Variants in FBXL2 observed in about 807,000 individuals in gnomAD.
The protein encoded by FBXL2 is F-box/LRR-repeat protein 2.
A neutral mutation model predicts 69.2 loss-of-function variants in FBXL2; 38 were observed. That is an observed-to-expected ratio of 0.55 (90% CI 0.42 to 0.72). The LOEUF (loss-of-function observed/expected upper bound fraction) is 0.72. Ranked by LOEUF, FBXL2 falls within the 30% of genes least tolerant of loss-of-function variation. The pLI is 0.00. For synonymous variants in FBXL2, 192 were observed against 201.3 expected, an observed-to-expected ratio of 0.95 and a Z score of 0.39; for missense variants, 354 against 520.3, an observed-to-expected ratio of 0.68 and a Z score of 3.11.
rs182530064 is a variant in FBXL2 at position 33,362,752 on chromosome 3, A to C, written c.196-1873A>C. 1.0e-3 allele frequency among the ~76,000 whole-genome samples: 153 copies of C among 152,194 alleles called. 2 individuals carry two copies. Among genetic ancestry groups the C allele is most frequent in the African/African-American group, 3.6e-3 (148 of 41,534 alleles). On this transcript the variant is annotated intron_variant, in intron 4 of 14. Coordinates refer to ENST00000484457, the MANE Select transcript of FBXL2 (RefSeq NM_012157.5). ...AAAATGTTACTAACTTGAAATGGAG[A>C]AGAGTATATTAGGTGCTCTATTTGT...
intron 4 of FBXL2, among the ~76,000 whole-genome samples, chr3:33,360,649 C>T (rs529492123): frequency 5.9e-5 from 9 of 152,216 alleles, no homozygotes; most frequent in Admixed American, 5.9e-4. Context: ...CAATAGTACT[C>T]CACCTAAACA....
intron 2 of FBXL2, among the ~76,000 whole-genome samples, chr3:33,307,176 T>G (rs1458414511): frequency 6.6e-6 from 1 of 152,144 alleles, no homozygotes; most frequent in Non-Finnish European, 1.5e-5. Flanking sequence ...ATGATCAAAG[T>G]TGGCATCACT....
the FBXL2 span, among the ~76,000 whole-genome samples, chr3:33,419,645 C>A: frequency 4.4e-5 from 6 of 136,426 alleles, no homozygotes; most frequent in African/African-American, 5.7e-5. Context: ...AAAAAAAAAA[C>A]CAGAAGAAAA....
At chr3:33,351,267 AAAAAT>A (rs917574617) in intron 2 of FBXL2, among the ~76,000 whole-genome samples, 4 of 152,320 alleles carry the variant, frequency 2.6e-5, no homozygotes, top group Middle Eastern at 3.4e-3. Flanking sequence ...TCTGTCTCAA[AAAAAT>A]AAAATAAATA....
intron 4 of FBXL2, among the ~76,000 whole-genome samples, chr3:33,359,856 A>G (rs2041488841): frequency 6.6e-6 from 1 of 152,196 alleles, no homozygotes; most frequent in African/African-American, 2.4e-5. Context: ...AGTCTTATAC[A>G]ATTATTATAT....
intron 2 of FBXL2, among the ~76,000 whole-genome samples, chr3:33,318,075 G>A (rs1218399175): frequency 1.3e-5 from 2 of 151,880 alleles, no homozygotes; most frequent in African/African-American, 2.4e-5. Flanking sequence ...TAATTACCAC[G>A]CTCTAAATTC....
intron 2 of FBXL2, among the ~76,000 whole-genome samples, chr3:33,313,119 C>CAA: frequency 9.7e-6 from 1 of 102,644 alleles, no homozygotes; most frequent in African/African-American, 4.8e-5. Context: ...ACTCCGTCTC[C>CAA]AAGAAAAAAA....
chr3:33,334,595 A>C (rs1226378985), intron 2 of FBXL2, among the ~76,000 whole-genome samples: 1 of 152,208 alleles, frequency 6.6e-6, no homozygotes, highest in Non-Finnish European at 1.5e-5. Flanking sequence ...AGGTGCAAAA[A>C]AGAGAAGAGA....
the FBXL2 span, among the ~76,000 whole-genome samples, chr3:33,415,165 T>TATC: frequency 6.6e-6 from 1 of 152,242 alleles, no homozygotes; most frequent in African/African-American, 2.4e-5. Flanking sequence ...AAACATTAGG[T>TATC]ATCACCTATC....
chr3:33,378,133 G>A lies in FBXL2; in HGVS notation c.880G>A (p.Glu294Lys). The A allele has an allele frequency of 6.2e-7, 1 of 1,614,204 alleles. No homozygotes were observed. Among genetic ancestry groups the A allele is most frequent in the Non-Finnish European group, 8.5e-7 (1 of 1,180,012 alleles). Residue 294 changes from glutamate (E) to lysine (K), a missense_variant, in exon 12 of 15, where the codon GAA becomes AAA. Transcript: ENST00000484457. ...NCHELEKMDL[E>K]ECILITDSTL... The stretch of plus-strand genomic sequence containing the variant: ...CCACGAATTGGAGAAGATGGATCTT[G>A]AAGAATGCATCCTGGTGAGTGGACT...
At chr3:33,312,481 A>G (rs1424459309) in intron 2 of FBXL2, among the ~76,000 whole-genome samples, 1 of 152,076 alleles carries the variant, frequency 6.6e-6, no homozygotes, top group Admixed American at 6.6e-5. Context: ...GTGGCTGTGC[A>G]TTGGTGTCTA....
At chr3:33,409,650 A>T in the FBXL2 span, 2 of 1,611,876 alleles carry the variant, frequency 1.2e-6, no homozygotes. Context: ...TCCACTGGTT[A>T]TTTTTCTATT....
intron 13 of FBXL2, chr3:33,383,748 C>T: frequency 2.0e-6 from 1 of 494,104 alleles, no homozygotes; most frequent in South Asian, 2.1e-5. Context: ...TTGGTCCTCA[C>T]TGCCTGATTA....
chr3:33,416,458 T>A, the FBXL2 span, among the ~76,000 whole-genome samples: 1 of 152,204 alleles, frequency 6.6e-6, no homozygotes, highest in Admixed American at 6.5e-5. Context: ...ACATTGACAT[T>A]CTTCCCCATA....
At chr3:33,346,709 C>T (rs1006091112) in intron 2 of FBXL2, among the ~76,000 whole-genome samples, 1 of 152,040 alleles carries the variant, frequency 6.6e-6, no homozygotes, top group African/African-American at 2.4e-5. Context: ...GTCAGACTAA[C>T]CAAGATAAAA....
At chr3:33,338,989 A>T (rs923158236) in intron 2 of FBXL2, among the ~76,000 whole-genome samples, 5 of 152,134 alleles carry the variant, frequency 3.3e-5, no homozygotes, top group Admixed American at 1.3e-4. Flanking sequence ...GTAAACAGAC[A>T]CCCTACAGAA....
chr3:33,326,263 G>A (rs2038679301), intron 2 of FBXL2, among the ~76,000 whole-genome samples: 1 of 152,126 alleles, frequency 6.6e-6, no homozygotes, highest in African/African-American at 2.4e-5. Context: ...CACTTTGGGA[G>A]GCCGAGGTGG....
the FBXL2 span, chr3:33,412,585 A>C: frequency 1.9e-6 from 1 of 538,984 alleles, no homozygotes; most frequent in East Asian, 3.4e-5. Flanking sequence ...CTGTCTCAAA[A>C]AAAAAAAAAA....
chr3:33,381,822 A>G (rs1180591971), intron 13 of FBXL2, among the ~76,000 whole-genome samples: 1 of 152,214 alleles, frequency 6.6e-6, no homozygotes, highest in Non-Finnish European at 1.5e-5. Context: ...AATGAACAGC[A>G]TTGATTACAT....
Sources: gnomAD v4.1 joint callset for allele counts (sites outside exome capture counted in the v4.1 genomes callset) on GRCh38, gnomAD v4.1.1 for gene constraint, MANE v1.5 for transcripts, NCBI Gene and HGNC (gene_info 2026-07-23, HGNC 2026-07-21) for gene names.